Variants in C1QTNF3 observed in about 807,000 individuals in gnomAD.
The protein encoded by C1QTNF3 is C1q and TNF related 3.
C1QTNF3 carries 26 observed loss-of-function variants against 32.6 expected under a neutral mutation model. The observed-to-expected ratio is 0.80, with a 90% CI of 0.58 to 1.11. The LOEUF (loss-of-function observed/expected upper bound fraction) is 1.11. Among genes scored for constraint, C1QTNF3 ranks in the 50% least tolerant of loss-of-function variants. The probability of loss-of-function intolerance (pLI) is 0.00; values close to 1 mark genes in which losing one functional copy is unlikely to be tolerated. For synonymous variants in C1QTNF3, 155 were observed against 146.0 expected (o/e 1.06, Z -0.44); for missense variants, 362 against 398.2 (o/e 0.91, Z 0.77).
At chr5:34,135,330 T>C in the C1QTNF3 span, among the ~76,000 whole-genome samples, 1 of 152,198 alleles carries the variant, frequency 6.6e-6, no homozygotes, top group African/African-American at 2.4e-5. Context: ...AGTATTTCAT[T>C]AAGGATTTTC....
the C1QTNF3 span, among the ~76,000 whole-genome samples, chr5:34,209,821 T>C: frequency 6.6e-6 from 1 of 152,100 alleles, no homozygotes; most frequent in African/African-American, 2.4e-5. Context: ...TCTTAAACGC[T>C]CTGATATTCA....
the C1QTNF3 span, among the ~76,000 whole-genome samples, chr5:34,065,112 T>C: frequency 1.9e-4 from 29 of 152,202 alleles, no homozygotes; most frequent in African/African-American, 6.5e-4. Context: ...AGACAACCTA[T>C]GGACTGGGAA....
At chr5:34,231,818 T>C in the C1QTNF3 span, among the ~76,000 whole-genome samples, 1 of 147,520 alleles carries the variant, frequency 6.8e-6, no homozygotes, top group Non-Finnish European at 1.5e-5. Context: ...AGAGGGAAAA[T>C]GTGGGGTTGG....
the C1QTNF3 span, among the ~76,000 whole-genome samples, chr5:34,146,489 A>G: frequency 6.6e-6 from 1 of 152,208 alleles, no homozygotes; most frequent in Non-Finnish European, 1.5e-5. Flanking sequence ...ATGGTACAGA[A>G]CAAAAAACCC....
At chr5:34,147,559 C>G in the C1QTNF3 span, among the ~76,000 whole-genome samples, 14 of 151,834 alleles carry the variant, frequency 9.2e-5, no homozygotes, top group Non-Finnish European at 1.8e-4. Context: ...CAAATTAGTG[C>G]AGGAACACAA....
chr5:34,207,770 G>C, the C1QTNF3 span, among the ~76,000 whole-genome samples: 8 of 151,648 alleles, frequency 5.3e-5, no homozygotes, highest in Non-Finnish European at 8.8e-5. Flanking sequence ...CAAATTGTGT[G>C]ACTTAGCATG....
intron 1 of C1QTNF3, 99 bp downstream of exon 1, chr5:34,042,724 G>A: frequency 8.2e-7 from 1 of 1,226,766 alleles, no homozygotes; most frequent in Non-Finnish European, 1.1e-6. Context: ...AGCATTCATT[G>A]ATTCTAAGAA....
the C1QTNF3 span, among the ~76,000 whole-genome samples, chr5:34,131,716 G>A: frequency 6.6e-6 from 1 of 152,182 alleles, no homozygotes; most frequent in African/African-American, 2.4e-5. Context: ...CTATAGCATT[G>A]TGGGATGACC....
the C1QTNF3 span, among the ~76,000 whole-genome samples, chr5:34,083,405 T>C: frequency 6.6e-6 from 1 of 151,304 alleles, no homozygotes; most frequent in African/African-American, 2.5e-5. Flanking sequence ...TATGATAAAG[T>C]AAACACATGC....
chr5:34,177,809 T>A, the C1QTNF3 span, among the ~76,000 whole-genome samples: 76 of 151,928 alleles, frequency 5.0e-4, no homozygotes, highest in African/African-American at 1.7e-3. Context: ...AAATATTTTG[T>A]AGAGATGGGG....
At chr5:34,089,184 G>A in the C1QTNF3 span, among the ~76,000 whole-genome samples, 77,318 of 151,940 alleles carry the variant, frequency 0.51, 21,800 homozygotes, top group Non-Finnish European at 0.63. Flanking sequence ...GCTCTAACAG[G>A]GTTGAATTTG....
the C1QTNF3 span, among the ~76,000 whole-genome samples, chr5:34,243,613 A>C: frequency 1.3e-5 from 2 of 152,184 alleles, no homozygotes; most frequent in African/African-American, 4.8e-5. Context: ...GTACATATAC[A>C]CTATGGAATA....
At chr5:34,084,222 TA>T in the C1QTNF3 span, among the ~76,000 whole-genome samples, 1 of 151,778 alleles carries the variant, frequency 6.6e-6, no homozygotes, top group Non-Finnish European at 1.5e-5. Context: ...ACAAAATATT[TA>T]TTTGTGAAGG....
chr5:34,129,580 TGTAA>T, the C1QTNF3 span, among the ~76,000 whole-genome samples: 2 of 152,122 alleles, frequency 1.3e-5, no homozygotes, highest in East Asian at 1.9e-4. Flanking sequence ...ACCCTATAAA[TGTAA>T]GTGATTATAA....
chr5:34,054,334 C>T, the C1QTNF3 span, among the ~76,000 whole-genome samples: 2 of 152,198 alleles, frequency 1.3e-5, no homozygotes, highest in Admixed American at 1.3e-4. Context: ...ATGAGATAAA[C>T]ACAGTTCTGT....
chr5:34,146,971 A>T, the C1QTNF3 span, among the ~76,000 whole-genome samples: 1 of 152,206 alleles, frequency 6.6e-6, no homozygotes, highest in African/African-American at 2.4e-5. Context: ...TAAATCAAGA[A>T]ACAAAAAAGA....
At chr5:34,175,897 C>G in the C1QTNF3 span, 15 of 811,354 alleles carry the variant, frequency 1.8e-5, no homozygotes, top group Non-Finnish European at 2.4e-5. Context: ...TGATTGAGAC[C>G]CAGATGGTAC....
the C1QTNF3 span, among the ~76,000 whole-genome samples, chr5:34,185,353 C>T: frequency 1.3e-5 from 2 of 152,166 alleles, no homozygotes; most frequent in African/African-American, 4.8e-5. Flanking sequence ...GAGTGAGACT[C>T]TATCTCAAAA....
chr5:34,104,977 T>G, the C1QTNF3 span, among the ~76,000 whole-genome samples: 1 of 151,854 alleles, frequency 6.6e-6, no homozygotes, highest in African/African-American at 2.4e-5. Context: ...TCTAATTTAT[T>G]TCAGCAAGAG....
Sources: allele counts gnomAD v4.1 joint callset (sites outside exome capture counted in the v4.1 genomes callset), GRCh38; gene constraint gnomAD v4.1.1; transcripts MANE v1.5; gene names NCBI Gene and HGNC (gene_info 2026-07-23, HGNC 2026-07-21).